TNIK: variants seen among roughly 807,000 people sequenced by gnomAD.
The protein encoded by TNIK is TRAF2 and NCK interacting kinase, also known as TRAF2 and NCK-interacting protein kinase.
In TNIK, 49 loss-of-function variants were observed where a neutral mutation model predicts 191.3. The observed-to-expected ratio is 0.26, with a 90% CI of 0.20 to 0.32. TNIK has a LOEUF of 0.32. Ranked by LOEUF, TNIK falls within the 10% of genes least tolerant of loss-of-function variation. The probability of loss-of-function intolerance (pLI) is 1.00; values close to 1 mark genes in which losing one functional copy is unlikely to be tolerated. For synonymous variants in TNIK, 594 were observed against 600.9 expected, an observed-to-expected ratio of 0.99 and a Z score of 0.17; for missense variants, 1,155 against 1,702.3, an observed-to-expected ratio of 0.68 and a Z score of 5.66.
intron 7 of TNIK, among the ~76,000 whole-genome samples, chr3:171,178,533 CT>C (rs1315707123): frequency 6.6e-6 from 1 of 152,168 alleles, no homozygotes; most frequent in Non-Finnish European, 1.5e-5. Context: ...CCATTTCTAC[CT>C]GTACAATCTC....
In TNIK at chr3:171,059,592, C is replaced by T. The variant is rs1352218414; in HGVS notation, c.*4289G>A. ...CAAGAGGTTTTCTTCTTTGCTGGGA[C>T]TCCTGAAAAGTGATCAATTTTACAC... is the stretch of plus-strand genomic sequence containing the variant. On this transcript the variant is annotated 3_prime_UTR_variant, in exon 33 of 33. Transcript: ENST00000436636. Among the ~76,000 whole-genome samples the T allele has an allele frequency of 6.6e-6, 1 of 152,116 alleles. No homozygotes were observed. The highest frequency in any genetic ancestry group is 1.5e-5 in the Non-Finnish European group (1 of 68,020).
chr3:171,173,395 CAAAA>C (rs57114753), intron 9 of TNIK, among the ~76,000 whole-genome samples: 1 of 120,668 alleles, frequency 8.3e-6, no homozygotes, highest in Non-Finnish European at 1.8e-5. Context: ...GACTCCGTCT[CAAAA>C]AAAAAAAAAA....
rs576087601 is a variant in TNIK, at chr3:171,174,700, T to C, written c.773+552A>G. Among the ~76,000 whole-genome samples, 7 of 152,300 alleles carry C rather than the reference T, an allele frequency of 4.6e-5. No homozygotes were observed. In the East Asian group the frequency reaches 7.7e-4, roughly 17 times the overall value. On this transcript the variant is annotated intron_variant, in intron 9 of 32. Transcript: ENST00000436636. ...AAATTAAGCCACTGTTTTATGTAAG[T>C]TTATCAAAAGGAAAAGTTAAATCGC...
intron 2 of TNIK, among the ~76,000 whole-genome samples, chr3:171,275,085 CT>C (rs1749568396): frequency 6.6e-6 from 1 of 152,156 alleles, no homozygotes; most frequent in South Asian, 2.1e-4. Flanking sequence ...CCTCCCTCTC[CT>C]CCTCTCCATC....
At chr3:171,101,151 C>T (rs372902877) in intron 22 of TNIK, among the ~76,000 whole-genome samples, 8 of 151,918 alleles carry the variant, frequency 5.3e-5, no homozygotes, top group Non-Finnish European at 7.4e-5. Flanking sequence ...GTCTGGTTGT[C>T]GATATTGTTT....
chr3:171,330,639 G>A (rs551239312), intron 2 of TNIK, among the ~76,000 whole-genome samples: 3 of 152,080 alleles, frequency 2.0e-5, no homozygotes, highest in African/African-American at 7.2e-5. Flanking sequence ...TATTGTTGGG[G>A]GATTCTTAAC....
chr3:171,125,879 G>A (rs1358000433), intron 17 of TNIK, 33 bp downstream of exon 17: 2 of 1,609,278 alleles, frequency 1.2e-6, no homozygotes, highest in Non-Finnish European at 1.7e-6. Context: ...CAGTGATGCT[G>A]GTGATTAAAA....
At chr3:171,437,973 T>C (rs920909095) in intron 1 of TNIK, among the ~76,000 whole-genome samples, 1 of 152,194 alleles carries the variant, frequency 6.6e-6, no homozygotes, top group Non-Finnish European at 1.5e-5. Context: ...TCCCATACTT[T>C]CCTGTTAGCC....
At chr3:171,179,452 TG>T (rs1417186588) in intron 7 of TNIK, among the ~76,000 whole-genome samples, 1 of 148,792 alleles carries the variant, frequency 6.7e-6, no homozygotes, top group Non-Finnish European at 1.5e-5. Context: ...CTGGGTTTTT[TG>T]TTTTTTTTTT....
intron 29 of TNIK, among the ~76,000 whole-genome samples, chr3:171,069,832 CCTTCT>C (rs1455690736): frequency 1.3e-5 from 2 of 152,174 alleles, no homozygotes; most frequent in Admixed American, 1.3e-4. Flanking sequence ...CCTCTCAGAC[CCTTCT>C]CTTCTCATCT....
At chr3:171,101,196 G>A (rs536747894) in intron 22 of TNIK, among the ~76,000 whole-genome samples, 9 of 152,172 alleles carry the variant, frequency 5.9e-5, no homozygotes, top group Admixed American at 2.0e-4. Context: ...AAGAGTCGCC[G>A]AAAGGATAGT....
chr3:171,347,634 G>A (rs183453363), intron 2 of TNIK, among the ~76,000 whole-genome samples: 181 of 152,230 alleles, frequency 1.2e-3, no homozygotes, highest in African/African-American at 3.8e-3. Flanking sequence ...AGGAGTCATC[G>A]GAGCAGCAGC....
intron 1 of TNIK, among the ~76,000 whole-genome samples, chr3:171,458,416 A>G (rs939484098): frequency 1.3e-5 from 2 of 152,174 alleles, no homozygotes; most frequent in Non-Finnish European, 2.9e-5. Context: ...TGCATGAATG[A>G]GCTTTGGCTG....
intron 2 of TNIK, among the ~76,000 whole-genome samples, chr3:171,242,791 G>C (rs745828248): frequency 6.6e-6 from 1 of 152,010 alleles, no homozygotes; most frequent in Non-Finnish European, 1.5e-5. Flanking sequence ...AGCATTCAAC[G>C]GTTCATGGGC....
intron 2 of TNIK, among the ~76,000 whole-genome samples, chr3:171,314,532 T>C (rs1754388382): frequency 6.6e-6 from 1 of 152,132 alleles, no homozygotes; most frequent in Non-Finnish European, 1.5e-5. Context: ...CTTGGATGTA[T>C]AAAATGGGAA....
intron 1 of TNIK, among the ~76,000 whole-genome samples, chr3:171,376,236 C>T (rs556372472): frequency 3.3e-5 from 5 of 152,266 alleles, no homozygotes; most frequent in African/African-American, 1.2e-4. Flanking sequence ...ACATCATCTT[C>T]GAAAGTACAG....
At chr3:171,086,679 GT>G (rs1721400054) in intron 24 of TNIK, among the ~76,000 whole-genome samples, 1 of 152,178 alleles carries the variant, frequency 6.6e-6, no homozygotes, top group Admixed American at 6.5e-5. Flanking sequence ...AGGGCCTTAC[GT>G]GTGATTGACA....
In TNIK at chr3:171,058,456, T is replaced by C. The variant is rs956691835; in HGVS notation, c.*5425A>G. Among the ~76,000 whole-genome samples the C allele has an allele frequency of 1.3e-5, 2 of 152,186 alleles. No homozygotes were observed. Among genetic ancestry groups the C allele is most frequent in the Non-Finnish European group, 2.9e-5 (2 of 68,018 alleles). On this transcript the variant is annotated 3_prime_UTR_variant, in exon 33 of 33. Coordinates refer to ENST00000436636, the MANE Select transcript of TNIK (RefSeq NM_015028.4). ...TATTCATATTTTGACAAAGATAGCA[T>C]ATTATATTCCAGGACATGGTAGTTA...
chr3:171,406,075 A>G (rs2108588928), intron 1 of TNIK, among the ~76,000 whole-genome samples: 1 of 152,332 alleles, frequency 6.6e-6, no homozygotes, highest in East Asian at 1.9e-4. Flanking sequence ...ATAGGTAGGT[A>G]AGCATATATG....
Sources: allele counts gnomAD v4.1 joint callset (sites outside exome capture counted in the v4.1 genomes callset), GRCh38; gene constraint gnomAD v4.1.1; transcripts MANE v1.5; gene names NCBI Gene and HGNC (gene_info 2026-07-23, HGNC 2026-07-21).